FNBP1L: variants seen among roughly 807,000 people sequenced by gnomAD.
The protein encoded by FNBP1L is formin binding protein 1 like.
In FNBP1L, 36 loss-of-function variants were observed where a neutral mutation model predicts 91.2. That is an observed-to-expected ratio of 0.39 (90% CI 0.30 to 0.52). FNBP1L has a LOEUF of 0.52. Ranked by LOEUF, FNBP1L falls within the 20% of genes least tolerant of loss-of-function variation. FNBP1L has a pLI of 0.66. For synonymous variants in FNBP1L, 242 were observed against 237.0 expected (o/e 1.02, Z -0.19); for missense variants, 571 against 732.1 (o/e 0.78, Z 2.54).
intron 1 of FNBP1L, among the ~76,000 whole-genome samples, chr1:93,458,130 A>T (rs980888693): frequency 6.6e-6 from 1 of 151,908 alleles, no homozygotes; most frequent in African/African-American, 2.4e-5. Flanking sequence ...AATTTTTGCT[A>T]TTTTGATTTC....
intron 1 of FNBP1L, among the ~76,000 whole-genome samples, chr1:93,485,698 A>G (rs1385359996): frequency 1.3e-5 from 2 of 152,016 alleles, no homozygotes; most frequent in Admixed American, 1.3e-4. Flanking sequence ...CATTATTTAT[A>G]TTTCGTTTCT....
chr1:93,487,031 T>A (rs1161287712), intron 1 of FNBP1L, among the ~76,000 whole-genome samples: 1 of 152,190 alleles, frequency 6.6e-6, no homozygotes, highest in Non-Finnish European at 1.5e-5. Context: ...CTATCTAATC[T>A]TTTGGAACCC....
intron 1 of FNBP1L, among the ~76,000 whole-genome samples, chr1:93,457,207 A>T (rs145955577): frequency 3.9e-5 from 6 of 152,226 alleles, no homozygotes; most frequent in African/African-American, 1.4e-4. Flanking sequence ...TCTGAATTGT[A>T]TCACCATTGA....
At position 93,545,999 on chromosome 1, in the gene FNBP1L, C is replaced by A. The variant is rs530663707; in HGVS notation, c.1275-843C>A. Among the ~76,000 whole-genome samples, 7 of 152,026 alleles carry A rather than the reference C, an allele frequency of 4.6e-5. No homozygotes were observed. The South Asian group carries it at 1.5e-3, about 32-fold the overall frequency. The stretch of plus-strand genomic sequence containing the variant: ...TCCAGTTGGGTTTAAAGATATGAAT[C>A]TAGAATTCAGGAGAGAGAGGTCTGG... On this transcript the variant is annotated intron_variant, in intron 12 of 16. Transcript: ENST00000271234.
chr1:93,528,970 C>T (rs1375035460), intron 5 of FNBP1L, among the ~76,000 whole-genome samples: 1 of 151,906 alleles, frequency 6.6e-6, no homozygotes, highest in Admixed American at 6.6e-5. Flanking sequence ...ATAGTTTTTA[C>T]AAAGTCATAA....
At chr1:93,468,300 C>A (rs748228175) in intron 1 of FNBP1L, among the ~76,000 whole-genome samples, 1 of 151,896 alleles carries the variant, frequency 6.6e-6, no homozygotes, top group South Asian at 2.1e-4. Flanking sequence ...TTTTTTTTAA[C>A]TGAATAATAT....
At chr1:93,532,511 T>A (rs1570855751) in intron 7 of FNBP1L, among the ~76,000 whole-genome samples, 1 of 130,552 alleles carries the variant, frequency 7.7e-6, no homozygotes, top group Non-Finnish European at 1.7e-5. Flanking sequence ...GTATATGTTA[T>A]GGGCCAGTTG....
chr1:93,553,333 A>T lies in FNBP1L; in HGVS notation c.*917A>T, dbSNP rs1672478001. 1 of 152,570 alleles carries T rather than the reference A, an allele frequency of 6.6e-6. No homozygotes were observed. The highest frequency in any genetic ancestry group is 1.5e-5 in the Non-Finnish European group (1 of 68,022). The allele number at this position is 152,570 out of a possible 1,614,324, so 9.5% of individuals were successfully genotyped here. On this transcript the variant is annotated 3_prime_UTR_variant, in exon 17 of 17. Transcript: ENST00000271234. ...AAATCTGTTGATTGCCAACACTACC[A>T]CTACAGTATCCCACAAAGGGCTTTA...
At chr1:93,472,847 A>T (rs1289242038) in intron 1 of FNBP1L, among the ~76,000 whole-genome samples, 1 of 127,910 alleles carries the variant, frequency 7.8e-6, no homozygotes, top group Non-Finnish European at 1.7e-5. Flanking sequence ...AAAAAAAAAA[A>T]ATCCTAACAG....
chr1:93,524,212 T>C, intron 4 of FNBP1L, 49 bp from the exon 5 acceptor site: 3 of 1,367,204 alleles, frequency 2.2e-6, no homozygotes, highest in Middle Eastern at 4.7e-4. Flanking sequence ...TATTTGTTTT[T>C]GTTTTATTTT....
intron 2 of FNBP1L, among the ~76,000 whole-genome samples, chr1:93,501,723 A>G (rs1347032718): frequency 6.6e-6 from 1 of 152,166 alleles, no homozygotes; most frequent in African/African-American, 2.4e-5. Flanking sequence ...GCCCCAAGAG[A>G]ATCACTGTAT....
chr1:93,486,013 CA>C (rs1236139846), intron 1 of FNBP1L, among the ~76,000 whole-genome samples: 7 of 152,140 alleles, frequency 4.6e-5, no homozygotes, highest in Admixed American at 4.6e-4. Flanking sequence ...ATTTATATTT[CA>C]TTTAATCTTT....
intron 1 of FNBP1L, among the ~76,000 whole-genome samples, chr1:93,480,475 A>G (rs1669658482): frequency 6.6e-6 from 1 of 152,284 alleles, no homozygotes; most frequent in South Asian, 2.1e-4. Flanking sequence ...AAATGCATGG[A>G]AATTTTCTCT....
intron 1 of FNBP1L, among the ~76,000 whole-genome samples, chr1:93,451,575 T>C (rs1045913362): frequency 4.6e-5 from 7 of 152,210 alleles, no homozygotes; most frequent in African/African-American, 1.4e-4. Flanking sequence ...ATGCCTTAAT[T>C]TCTTGGTCGA....
At chr1:93,499,689 GA>G in intron 2 of FNBP1L, 106 bp downstream of exon 2, 1 of 655,480 alleles carries the variant, frequency 1.5e-6, no homozygotes, top group Non-Finnish European at 2.6e-6. Context: ...TTTTTCATCA[GA>G]ATTAGATTGA....
At chr1:93,469,502 GT>G (rs761210426) in intron 1 of FNBP1L, among the ~76,000 whole-genome samples, 1 of 152,086 alleles carries the variant, frequency 6.6e-6, no homozygotes, top group Non-Finnish European at 1.5e-5. Flanking sequence ...GGACATTTGG[GT>G]TGGTTTGAAG....
At chr1:93,463,098 CTGTT>C (rs760883594) in intron 1 of FNBP1L, among the ~76,000 whole-genome samples, 2 of 152,100 alleles carry the variant, frequency 1.3e-5, no homozygotes, top group South Asian at 4.1e-4. Flanking sequence ...CAGCTTTTGA[CTGTT>C]TGAGCTCTTT....
chr1:93,538,644 A>T (rs1268267009), intron 10 of FNBP1L, among the ~76,000 whole-genome samples: 1 of 150,316 alleles, frequency 6.7e-6, no homozygotes, highest in Non-Finnish European at 1.5e-5. Context: ...GAATTTTCTC[A>T]ATATAGAAAA....
chr1:93,484,683 CTT>C (rs999770052), intron 1 of FNBP1L, among the ~76,000 whole-genome samples: 2 of 152,132 alleles, frequency 1.3e-5, no homozygotes, highest in African/African-American at 4.8e-5. Context: ...AAGCAAATGA[CTT>C]GAGAATCTGA....
Sources: allele counts gnomAD v4.1 joint callset (sites outside exome capture counted in the v4.1 genomes callset), GRCh38; gene constraint gnomAD v4.1.1; transcripts MANE v1.5; gene names NCBI Gene and HGNC (gene_info 2026-07-23, HGNC 2026-07-21).